Variants in PGM5 observed in about 807,000 individuals in gnomAD.
The protein encoded by PGM5 is phosphoglucomutase 5.
PGM5 carries 23 observed loss-of-function variants against 59.2 expected under a neutral mutation model. That is an observed-to-expected ratio of 0.39 (90% CI 0.28 to 0.55). PGM5 has a LOEUF of 0.55. PGM5 is among the 20% of genes least tolerant of loss of function. PGM5 has a pLI of 0.66. For missense variants in PGM5, 574 were observed against 748.3 expected, an observed-to-expected ratio of 0.77 and a Z score of 2.72; for synonymous variants, 214 against 286.0, an observed-to-expected ratio of 0.75 and a Z score of 2.54.
At chr9:68,471,262 A>G (rs1342064534) in intron 7 of PGM5, among the ~76,000 whole-genome samples, 1 of 152,154 alleles carries the variant, frequency 6.6e-6, no homozygotes, top group Non-Finnish European at 1.5e-5. Flanking sequence ...TTCCAAACAG[A>G]CTAAGGGGTT....
intron 10 of PGM5, among the ~76,000 whole-genome samples, chr9:68,509,848 T>C (rs1277271216): frequency 6.6e-6 from 1 of 152,026 alleles, no homozygotes; most frequent in African/African-American, 2.4e-5. Context: ...CCTGTGAGGG[T>C]CTGAGAAAGG....
At chr9:68,417,990 A>G (rs1823063504) in intron 6 of PGM5, among the ~76,000 whole-genome samples, 1 of 152,148 alleles carries the variant, frequency 6.6e-6, no homozygotes, top group African/African-American at 2.4e-5. Context: ...CTCTGATACC[A>G]CCAGGGAGCA....
At chr9:68,368,687 C>G (rs1834727273) in intron 1 of PGM5, among the ~76,000 whole-genome samples, 1 of 151,926 alleles carries the variant, frequency 6.6e-6, no homozygotes, top group Non-Finnish European at 1.5e-5. Flanking sequence ...TTCTGTCATC[C>G]AGGCTGGAGT....
intron 6 of PGM5, among the ~76,000 whole-genome samples, chr9:68,447,936 G>A (rs558165148): frequency 1.3e-5 from 2 of 152,272 alleles, no homozygotes; most frequent in African/African-American, 4.8e-5. Context: ...TTTAAATACA[G>A]GCATTTGGGT....
intron 7 of PGM5, among the ~76,000 whole-genome samples, chr9:68,472,412 G>A (rs1824033418): frequency 6.7e-6 from 1 of 149,536 alleles, no homozygotes; most frequent in Non-Finnish European, 1.5e-5. Context: ...TTGGGAGAAT[G>A]GTCTCATGTA....
chr9:68,462,080 A>T (rs1823865831), intron 6 of PGM5, among the ~76,000 whole-genome samples: 1 of 152,172 alleles, frequency 6.6e-6, no homozygotes, highest in Non-Finnish European at 1.5e-5. Context: ...AGGTTTTAAA[A>T]TTCTGACTAA....
intron 10 of PGM5, among the ~76,000 whole-genome samples, chr9:68,517,908 G>T (rs927401739): frequency 2.0e-5 from 3 of 152,214 alleles, no homozygotes; most frequent in African/African-American, 4.8e-5. Flanking sequence ...TCAGGAAAAT[G>T]AGCCAAAGCT....
At chr9:68,427,450 G>A (rs966251804) in intron 6 of PGM5, among the ~76,000 whole-genome samples, 2 of 152,144 alleles carry the variant, frequency 1.3e-5, no homozygotes, top group African/African-American at 4.8e-5. Flanking sequence ...GCAGGGTTAG[G>A]GAGGGTTTCC....
rs77783429 is a variant in PGM5 at position 68,434,754 on chromosome 9, C to T, written c.1044-30339C>T. Among the ~76,000 whole-genome samples, 1,369 of 151,416 alleles carry T rather than the reference C, an allele frequency of 9.0e-3. 16 individuals carry two copies. The highest frequency in any genetic ancestry group is 0.032 in the African/African-American group (1,323 of 41,164). Reference sequence around the variant, plus strand: ...CTGGGAGTCGGAGATCGCACCACTGCGCTCCAGACTGAGAGACAGCAAGAC... The same window carrying T: ...CTGGGAGTCGGAGATCGCACCACTGTGCTCCAGACTGAGAGACAGCAAGAC... On this transcript the variant is annotated intron_variant, in intron 6 of 10. Coordinates refer to ENST00000396396, the MANE Select transcript of PGM5 (RefSeq NM_021965.4).
intron 9 of PGM5, among the ~76,000 whole-genome samples, chr9:68,495,043 G>C (rs1212630538): frequency 2.6e-5 from 4 of 152,156 alleles, no homozygotes; most frequent in African/African-American, 9.7e-5. Flanking sequence ...ATTGTCCTAG[G>C]CTATGTGGAT....
At chr9:68,373,776 G>A (rs1821800117) in intron 1 of PGM5, among the ~76,000 whole-genome samples, 1 of 152,186 alleles carries the variant, frequency 6.6e-6, no homozygotes, top group African/African-American at 2.4e-5. Flanking sequence ...AGTCCAATGA[G>A]GATGTCCCTG....
intron 10 of PGM5, among the ~76,000 whole-genome samples, chr9:68,513,576 A>C (rs1824783519): frequency 1.3e-5 from 2 of 152,232 alleles, no homozygotes; most frequent in Admixed American, 1.3e-4. Flanking sequence ...GTGACATTGC[A>C]TGTCCCTGTG....
At chr9:68,398,252 A>C (rs1200020626) in intron 6 of PGM5, 1 of 152,224 alleles carries the variant, frequency 6.6e-6, no homozygotes, top group Non-Finnish European at 1.5e-5. Flanking sequence ...AAAAGAAGAA[A>C]GCCCTTTATC....
At chr9:68,430,381 C>T (rs1470257008) in intron 6 of PGM5, among the ~76,000 whole-genome samples, 8 of 152,252 alleles carry the variant, frequency 5.3e-5, no homozygotes, top group African/African-American at 1.9e-4. Flanking sequence ...TTCATGCTTT[C>T]GCTTTCCACA....
chr9:68,492,127 T>A (rs1264782646), intron 9 of PGM5, among the ~76,000 whole-genome samples: 1 of 152,088 alleles, frequency 6.6e-6, no homozygotes, highest in Non-Finnish European at 1.5e-5. Context: ...GAAATATAAA[T>A]ATAAAAGAGA....
intron 6 of PGM5, among the ~76,000 whole-genome samples, chr9:68,407,861 G>A (rs1587797880): frequency 6.6e-6 from 1 of 152,194 alleles, no homozygotes; most frequent in African/African-American, 2.4e-5. Flanking sequence ...CTGTGCACTG[G>A]CATGAGAGGA....
At chr9:68,493,264 G>A (rs1824428705) in intron 9 of PGM5, among the ~76,000 whole-genome samples, 1 of 151,964 alleles carries the variant, frequency 6.6e-6, no homozygotes, top group Admixed American at 6.6e-5. Context: ...TTTACACAAG[G>A]GTTTATTTTT....
chr9:68,488,146 A>G (rs1824327834), intron 9 of PGM5, among the ~76,000 whole-genome samples: 1 of 152,340 alleles, frequency 6.6e-6, no homozygotes, highest in South Asian at 2.1e-4. Flanking sequence ...AAGCAGAAAA[A>G]AAACACACAA....
At chr9:68,476,545 GC>G in intron 7 of PGM5, among the ~76,000 whole-genome samples, 1 of 152,160 alleles carries the variant, frequency 6.6e-6, no homozygotes, top group Non-Finnish European at 1.5e-5. Flanking sequence ...TTGCCTGAAA[GC>G]CTTTTTAAAA....
Sources: allele counts gnomAD v4.1 joint callset (sites outside exome capture counted in the v4.1 genomes callset), GRCh38; gene constraint gnomAD v4.1.1; transcripts MANE v1.5; gene names NCBI Gene and HGNC (gene_info 2026-07-23, HGNC 2026-07-21).